Variants in UTP20 observed in about 807,000 individuals in gnomAD.
UTP20 encodes the protein UTP20 small subunit processome component.
A neutral mutation model predicts 329.5 loss-of-function variants in UTP20; 164 were observed. The ratio of observed to expected loss-of-function variants is 0.50; its 90% confidence interval spans 0.44 to 0.57. The LOEUF (loss-of-function observed/expected upper bound fraction) is 0.57, where lower values mean the gene tolerates loss of function less well. UTP20 is among the 20% of genes least tolerant of loss of function. The pLI is 0.00. For missense variants in UTP20, 3,055 were observed against 3,284.2 expected (o/e 0.93, Z 1.71); for synonymous variants, 1,151 against 1,159.3 (o/e 0.99, Z 0.14).
At position 101,343,107 on chromosome 12, in the gene UTP20, G is replaced by A; in HGVS notation, c.4449+14G>A. On this transcript the variant is annotated intron_variant, in intron 35 of 61. Coordinates refer to ENST00000261637, the MANE Select transcript of UTP20 (RefSeq NM_014503.3). ...TATAATCTAGAGGTAGGTTATTATA[G>A]CAAAATTTTTAAATTATTTTTTATT... 1 of 1,556,428 alleles carries A rather than the reference G, an allele frequency of 6.4e-7. No individual in the cohort carries two copies. Among genetic ancestry groups the A allele is most frequent in the Non-Finnish European group, 8.7e-7 (1 of 1,144,834 alleles).
chr12:101,307,315 A>T (rs2137248814), intron 17 of UTP20, among the ~76,000 whole-genome samples: 1 of 151,282 alleles, frequency 6.6e-6, no homozygotes, highest in South Asian at 2.1e-4. Flanking sequence ...ACACACACAC[A>T]CACACACACA....
chr12:101,294,164 T>C (rs969096765), intron 11 of UTP20, among the ~76,000 whole-genome samples: 3 of 152,090 alleles, frequency 2.0e-5, no homozygotes, highest in African/African-American at 7.2e-5. Flanking sequence ...GCCTCCCAAG[T>C]AGCTGGGACT....
At chr12:101,371,478 G>A (rs888631302) in intron 51 of UTP20, among the ~76,000 whole-genome samples, 3 of 151,192 alleles carry the variant, frequency 2.0e-5, no homozygotes, top group Admixed American at 1.3e-4. Context: ...GGGGAGCCAG[G>A]TTGGGCAGGA....
chr12:101,379,658 C>A, intron 57 of UTP20, 100 bp downstream of exon 57: 4 of 1,298,388 alleles, frequency 3.1e-6, no homozygotes, highest in South Asian at 1.5e-5. Flanking sequence ...GAAACTCTTC[C>A]AACCAACAAT....
chr12:101,324,241 T>TATTTATTC (rs2137262858), intron 25 of UTP20, among the ~76,000 whole-genome samples: 1 of 151,770 alleles, frequency 6.6e-6, no homozygotes, highest in Admixed American at 6.6e-5. Flanking sequence ...TTTATTTATT[T>TATTTATTC]ATTTATTTAT....
At position 101,385,576 on chromosome 12, in the gene UTP20, T is replaced by C. The variant is rs770057321; in HGVS notation, c.8057-7T>C. The C allele has an allele frequency of 7.5e-6, 12 of 1,606,528 alleles. No homozygotes were observed. The Admixed American group carries it at 1.2e-4, about 16-fold the overall frequency. ...GTCTCTGATCATTACTCTTTGTGTGTGATTAGATCCTTTGCTGAAGAATCT... is the reference window on the plus strand; with the variant it reads ...GTCTCTGATCATTACTCTTTGTGTGCGATTAGATCCTTTGCTGAAGAATCT... On this transcript the variant is annotated splice_polypyrimidine_tract_variant and splice_region_variant and intron_variant, in intron 60 of 61. Transcript: ENST00000261637.
intron 35 of UTP20, among the ~76,000 whole-genome samples, chr12:101,344,172 G>A (rs966292419): frequency 6.6e-6 from 1 of 151,728 alleles, no homozygotes; most frequent in African/African-American, 2.4e-5. Context: ...GTCGCTGCCT[G>A]GCTGGCTGAG....
intron 2 of UTP20, among the ~76,000 whole-genome samples, chr12:101,281,939 G>A (rs530666703): frequency 7.6e-4 from 115 of 152,200 alleles, no homozygotes; most frequent in Non-Finnish European, 4.0e-4. Flanking sequence ...TCCTGACCTC[G>A]TGATCTGCTC....
chr12:101,293,160 G>C lies in UTP20; in HGVS notation c.1174-8G>C. On this transcript the variant is annotated splice_polypyrimidine_tract_variant and splice_region_variant and intron_variant, in intron 10 of 61. Coordinates refer to ENST00000261637, the MANE Select transcript of UTP20 (RefSeq NM_014503.3). ...TACTTACATTAATATTTTTTACCTT[G>C]GTCACAGATATTTGAGAGCAGATTT... The C allele has an allele frequency of 1.2e-6, 2 of 1,613,174 alleles. No individual in the cohort carries two copies. The highest frequency in any genetic ancestry group is 8.5e-7 in the Non-Finnish European group (1 of 1,179,318).
At chr12:101,313,674 AG>A (rs1872868370) in intron 21 of UTP20, among the ~76,000 whole-genome samples, 1 of 151,818 alleles carries the variant, frequency 6.6e-6, no homozygotes, top group African/African-American at 2.4e-5. Context: ...CAACTAGATC[AG>A]CCTGTGAGAT....
intron 25 of UTP20, 65 bp downstream of exon 25, chr12:101,321,694 A>G: frequency 6.5e-7 from 1 of 1,537,284 alleles, no homozygotes; most frequent in Non-Finnish European, 8.8e-7. Flanking sequence ...TGAGTACAGT[A>G]TTATGGTTCT....
chr12:101,361,190 A>C (rs1869901686), intron 43 of UTP20, among the ~76,000 whole-genome samples: 1 of 152,246 alleles, frequency 6.6e-6, no homozygotes. Context: ...CCTACCCTGT[A>C]GTAAGCTCTC....
Position 101,320,910 on chromosome 12 carries a change from A to G in UTP20, c.2888A>G (p.Tyr963Cys), listed in dbSNP as rs1228992762. The change falls in exon 24 of 62, where the codon TAT (tyrosine) becomes TGT (cysteine). Residue 963 changes from tyrosine to cysteine, a missense_variant. This residue lies in a region of UTP20 where 2,445 missense variants were observed against 2,575.5 expected (regional missense o/e 0.95). Coordinates refer to ENST00000261637, the MANE Select transcript of UTP20 (RefSeq NM_014503.3). Reference protein sequence around the residue: ...QKITLDCIMTYKHPHVLPYRE... With the variant: ...QKITLDCIMTCKHPHVLPYRE... ...ATAACCTTGGATTGCATAATGACAT[A>G]TAAACATCCTCATGTCCTCCCTTAC... 8.1e-6 allele frequency: 13 copies of G among 1,611,068 alleles called. No homozygotes were observed. The highest frequency in any genetic ancestry group is 6.7e-5 in the East Asian group (3 of 44,742).
In UTP20 at chr12:101,317,578, G is replaced by A. The variant is rs201214965; in HGVS notation, c.2653G>A (p.Ala885Thr). Residue 885 changes from alanine (A) to threonine (T), a missense_variant, in exon 22 of 62, where the codon GCA (alanine) becomes ACA (threonine). By Grantham distance (58) the Ala-to-Thr change is moderately conservative. This residue lies in a region of UTP20 where 2,445 missense variants were observed against 2,575.5 expected (regional missense o/e 0.95). Coordinates refer to ENST00000261637, the MANE Select transcript of UTP20 (RefSeq NM_014503.3). Reference protein sequence around the residue: ...VAEEIEEEPAAGDDEELEEEA... With the variant: ...VAEEIEEEPATGDDEELEEEA... ...AGAGGAAATCGAAGAGGAACCTGCC[G>A]CAGGAGATGATGAAGAGTTGGAGGA... The A allele has an allele frequency of 1.4e-5, 22 of 1,614,186 alleles. No individual in the cohort carries two copies. The highest frequency in any genetic ancestry group is 8.9e-5 in the East Asian group (4 of 44,888).
At position 101,342,827 on chromosome 12, in the gene UTP20, ATGT is replaced by A; in HGVS notation, c.4290_4292del (p.Val1431del). ...GAGAGTGGGTTAAAATATATTACTGATGTTGTCAAGGTAAGAAAGAAGGGTTTC... is the reference window on the plus strand; with the variant it reads ...GAGAGTGGGTTAAAATATATTACTGATGTCAAGGTAAGAAAGAAGGGTTTC... On this transcript the variant is annotated inframe_deletion, in exon 34 of 62. Transcript: ENST00000261637. The A allele has an allele frequency of 6.2e-7, 1 of 1,613,374 alleles. No individual in the cohort carries two copies. The highest frequency in any genetic ancestry group is 2.2e-5 in the East Asian group (1 of 44,846).
chr12:101,315,715 G>T (rs989129805), intron 21 of UTP20, among the ~76,000 whole-genome samples: 11 of 152,110 alleles, frequency 7.2e-5, no homozygotes, highest in Admixed American at 1.3e-4. Context: ...TGTTTTGAGG[G>T]TTATATAAAA....
intron 21 of UTP20, among the ~76,000 whole-genome samples, chr12:101,312,686 C>A (rs979781538): frequency 6.6e-6 from 1 of 152,194 alleles, no homozygotes; most frequent in African/African-American, 2.4e-5. Context: ...GTGATCCACC[C>A]ACCTCGGCTT....
chr12:101,305,602 TAATA>T (rs924458826), intron 15 of UTP20, among the ~76,000 whole-genome samples: 121 of 138,736 alleles, frequency 8.7e-4, no homozygotes, highest in African/African-American at 3.6e-3. Flanking sequence ...ATAAATTAAA[TAATA>T]AATATTATAT....
At chr12:101,307,314 C>T (rs1354255638) in intron 17 of UTP20, among the ~76,000 whole-genome samples, 8 of 151,080 alleles carry the variant, frequency 5.3e-5, no homozygotes, top group African/African-American at 2.0e-4. Context: ...CACACACACA[C>T]ACACACACAC....
Sources: allele counts gnomAD v4.1 joint callset (sites outside exome capture counted in the v4.1 genomes callset), GRCh38; gene constraint gnomAD v4.1.1; regional missense constraint gnomAD v4.1.1; transcripts MANE v1.5; gene names NCBI Gene and HGNC (gene_info 2026-07-23, HGNC 2026-07-21).